DGLUCY: variants seen among roughly 807,000 people sequenced by gnomAD.
DGLUCY encodes the protein D-glutamate cyclase.
DGLUCY carries 58 observed loss-of-function variants against 58.5 expected under a neutral mutation model. That is an observed-to-expected ratio of 0.99 (90% CI 0.80 to 1.23). The LOEUF (loss-of-function observed/expected upper bound fraction) is 1.23, where lower values mean the gene tolerates loss of function less well. Ranked by LOEUF, DGLUCY falls within the 50% of genes most tolerant of loss-of-function variation. DGLUCY has a pLI of 0.00. For missense variants in DGLUCY, 779 were observed against 784.7 expected, an observed-to-expected ratio of 0.99 and a Z score of 0.09; for synonymous variants, 325 against 314.1, an observed-to-expected ratio of 1.03 and a Z score of -0.37.
chr14:91,191,808 T>A (rs2140517717), intron 9 of DGLUCY, among the ~76,000 whole-genome samples: 1 of 152,132 alleles, frequency 6.6e-6, no homozygotes, highest in African/African-American at 2.4e-5. Flanking sequence ...TGCTCTAAGG[T>A]TTTTGTCCTG....
intron 1 of DGLUCY, among the ~76,000 whole-genome samples, chr14:91,118,994 C>T (rs189769497): frequency 6.6e-6 from 1 of 152,210 alleles, no homozygotes; most frequent in Non-Finnish European, 1.5e-5. Flanking sequence ...AATTATACTA[C>T]TACTACTAAA....
chr14:91,124,162 G>A (rs147799509), intron 1 of DGLUCY, among the ~76,000 whole-genome samples: 1,559 of 151,634 alleles, frequency 0.01, 22 homozygotes, highest in African/African-American at 0.036. Flanking sequence ...TCCTGACCTC[G>A]TGATCCACCC....
chr14:91,077,613 A>G (rs866801000), intron 1 of DGLUCY, among the ~76,000 whole-genome samples: 27 of 151,626 alleles, frequency 1.8e-4, no homozygotes, highest in Non-Finnish European at 1.5e-4. Flanking sequence ...TTAGCTGGGT[A>G]TAGTGGCATG....
intron 1 of DGLUCY, among the ~76,000 whole-genome samples, chr14:91,123,924 A>G (rs1456685144): frequency 5.5e-5 from 8 of 145,880 alleles, no homozygotes; most frequent in Non-Finnish European, 1.2e-4. Flanking sequence ...TTTAATAATC[A>G]GACTTTTTTT....
chr14:91,074,016 G>A (rs2043966083), intron 1 of DGLUCY, among the ~76,000 whole-genome samples: 1 of 149,486 alleles, frequency 6.7e-6, no homozygotes, highest in Non-Finnish European at 1.5e-5. Flanking sequence ...AGCACCTTGG[G>A]AAGTAGAGGT....
chr14:91,084,255 T>G (rs1208351351), intron 1 of DGLUCY, among the ~76,000 whole-genome samples: 1 of 150,892 alleles, frequency 6.6e-6, no homozygotes, highest in Admixed American at 6.6e-5. Flanking sequence ...CCGGGCTGGA[T>G]TGCAGTGGCC....
At chr14:91,075,356 T>A (rs1277747132) in intron 1 of DGLUCY, among the ~76,000 whole-genome samples, 1 of 152,142 alleles carries the variant, frequency 6.6e-6, no homozygotes, top group Non-Finnish European at 1.5e-5. Flanking sequence ...TTGGCCAGGC[T>A]GGTCTCGAAC....
chr14:91,104,645 T>C (rs189720211), upstream of DGLUCY, among the ~76,000 whole-genome samples: 3 of 152,200 alleles, frequency 2.0e-5, no homozygotes, highest in African/African-American at 7.2e-5. Flanking sequence ...CACTTCTCTC[T>C]TCTGGTTTTC....
At chr14:91,172,345 C>T (rs1213347263) in intron 5 of DGLUCY, among the ~76,000 whole-genome samples, 1 of 152,154 alleles carries the variant, frequency 6.6e-6, no homozygotes, top group Non-Finnish European at 1.5e-5. Context: ...TCCCAAAGTG[C>T]TGGTATTACA....
intron 4 of DGLUCY, 183 bp downstream of exon 4, chr14:91,167,561 C>T: frequency 1.2e-6 from 1 of 800,384 alleles, no homozygotes; most frequent in Non-Finnish European, 2.1e-6. Flanking sequence ...ACTCCTTCCC[C>T]TATCACCTGG....
At chr14:91,120,704 C>T (rs866448446) in intron 1 of DGLUCY, among the ~76,000 whole-genome samples, 1 of 152,244 alleles carries the variant, frequency 6.6e-6, no homozygotes, top group African/African-American at 2.4e-5. Flanking sequence ...AGCCACCCCA[C>T]CTGGCCCTGA....
intron 1 of DGLUCY, among the ~76,000 whole-genome samples, chr14:91,076,720 T>C (rs2044027995): frequency 6.6e-6 from 1 of 152,134 alleles, no homozygotes; most frequent in South Asian, 2.1e-4. Flanking sequence ...TCCAGGATTC[T>C]AGGCAGAGGG....
chr14:91,113,685 A>G (rs554496990), upstream of DGLUCY, among the ~76,000 whole-genome samples: 1 of 152,330 alleles, frequency 6.6e-6, no homozygotes, highest in East Asian at 1.9e-4. Context: ...TTAGAAATGC[A>G]GAATCTCTGC....
At chr14:91,192,852 A>G (rs1380354253) in intron 9 of DGLUCY, among the ~76,000 whole-genome samples, 1 of 152,194 alleles carries the variant, frequency 6.6e-6, no homozygotes, top group Non-Finnish European at 1.5e-5. Flanking sequence ...TGTTGCACGT[A>G]TTTTACCATA....
At chr14:91,199,722 G>A in intron 10 of DGLUCY, 35 bp from the exon 11 acceptor site, 2 of 1,611,464 alleles carry the variant, frequency 1.2e-6, no homozygotes, top group Non-Finnish European at 1.7e-6. Context: ...CCTCTCCATA[G>A]GACCCTCTGA....
intron 1 of DGLUCY, among the ~76,000 whole-genome samples, chr14:91,100,567 C>T (rs1042088813): frequency 6.6e-6 from 1 of 152,198 alleles, no homozygotes; most frequent in Non-Finnish European, 1.5e-5. Context: ...GCATTGACAT[C>T]ACTTGCTCAA....
chr14:91,147,220 C>T (rs2047059389), intron 1 of DGLUCY, among the ~76,000 whole-genome samples: 1 of 152,160 alleles, frequency 6.6e-6, no homozygotes. Flanking sequence ...GTGCGTGGTC[C>T]TCATCCTGCC....
intron 6 of DGLUCY, 59 bp from the exon 7 acceptor site, chr14:91,175,875 A>G (rs1014310171): frequency 1.5e-5 from 24 of 1,591,534 alleles, no homozygotes; most frequent in South Asian, 3.3e-5. Context: ...AAACTACTCA[A>G]CCAGTTCTAA....
intron 1 of DGLUCY, among the ~76,000 whole-genome samples, chr14:91,140,032 C>T (rs1281543061): frequency 6.6e-6 from 1 of 152,194 alleles, no homozygotes; most frequent in Non-Finnish European, 1.5e-5. Flanking sequence ...GAGTAACTAC[C>T]TGCAGAGATC....
Sources: allele counts gnomAD v4.1 joint callset (sites outside exome capture counted in the v4.1 genomes callset), GRCh38; gene constraint gnomAD v4.1.1; transcripts MANE v1.5; gene names NCBI Gene and HGNC (gene_info 2026-07-23, HGNC 2026-07-21).